The following SP1 variants were observed in gnomAD, a reference collection of about 807,000 sequenced individuals.
SP1 encodes the protein transcription factor Sp1.
A neutral mutation model predicts 66.3 loss-of-function variants in SP1; 6 were observed. That is an observed-to-expected ratio of 0.09 (90% CI 0.05 to 0.18). The LOEUF (loss-of-function observed/expected upper bound fraction) is 0.18. Among genes scored for constraint, SP1 ranks in the 10% least tolerant of loss-of-function variants. SP1 has a pLI of 1.00. For synonymous variants in SP1, 417 were observed against 360.8 expected (o/e 1.16, Z -1.77); for missense variants, 848 against 964.5 (o/e 0.88, Z 1.60).
intron 3 of SP1, among the ~76,000 whole-genome samples, chr12:53,400,836 A>G (rs758549705): frequency 2.8e-5 from 4 of 142,980 alleles, no homozygotes; most frequent in Admixed American, 7.6e-5. Flanking sequence ...ATCTCAGCTC[A>G]CTGCAAGCTC....
At chr12:53,393,607 T>TC (rs1938405505) in intron 3 of SP1, among the ~76,000 whole-genome samples, 1 of 143,066 alleles carries the variant, frequency 7.0e-6, no homozygotes, top group East Asian at 2.1e-4. Context: ...TTTTTTTTTT[T>TC]CAATTTTGAG....
chr12:53,416,227 CT>C lies in SP1; in HGVS notation c.*4988del, dbSNP rs1442303719. ...ATGCTCTCTCATCTTGTTCTTCCCC[CT>C]CACCCCCCACTCTTAGGTATGTATG... On this transcript the variant is annotated 3_prime_UTR_variant, in exon 6 of 6. Coordinates refer to ENST00000327443, the MANE Select transcript of SP1 (RefSeq NM_138473.3). The C allele has an allele frequency of 6.5e-6, 1 of 153,120 alleles. No homozygotes were observed. The highest frequency in any genetic ancestry group is 2.4e-5 in the African/African-American group (1 of 41,444). 9.5% of individuals were successfully genotyped at this position (153,120 alleles called of 1,614,324 possible).
chr12:53,402,426 CTTG>C (rs1848980219), intron 3 of SP1, among the ~76,000 whole-genome samples: 1 of 150,298 alleles, frequency 6.7e-6, no homozygotes, highest in Non-Finnish European at 1.5e-5. Context: ...GTTTCACCAT[CTTG>C]GCCAGGCTGG....
At position 53,413,477 on chromosome 12, in the gene SP1, C is replaced by T. The variant is rs942693389; in HGVS notation, c.*2237C>T. ...TAATCTGAACTATAGTAACTTAATA[C>T]TCTAAACAATAGTTCACTCCATTTG... On this transcript the variant is annotated 3_prime_UTR_variant, in exon 6 of 6. Coordinates refer to ENST00000327443, the MANE Select transcript of SP1 (RefSeq NM_138473.3). 9 of 152,556 alleles carry T rather than the reference C, an allele frequency of 5.9e-5. No homozygotes were observed. Among genetic ancestry groups the T allele is most frequent in the African/African-American group, 2.2e-4 (9 of 41,420 alleles). 9.5% of individuals were successfully genotyped at this position (152,556 alleles called of 1,614,324 possible).
At chr12:53,406,370 C>T (rs1245922027) in intron 3 of SP1, among the ~76,000 whole-genome samples, 1 of 152,032 alleles carries the variant, frequency 6.6e-6, no homozygotes, top group Non-Finnish European at 1.5e-5. Flanking sequence ...CGCCCAGCCA[C>T]TCTTGGTATT....
chr12:53,382,319 T>G lies in SP1; in HGVS notation c.372T>G (p.Ser124Arg). 1 of 1,613,874 alleles carries G rather than the reference T, an allele frequency of 6.2e-7. No individual in the cohort carries two copies. The highest frequency in any genetic ancestry group is 8.5e-7 in the Non-Finnish European group (1 of 1,179,966). The stretch of plus-strand genomic sequence containing the variant: ...CTACCCCTACCTCAAAGGAACAGAG[T>G]GGCAGCAGTACCAATGGCAGCAATG... ...SGATPTSKEQ[S>R]GSSTNGSNGS... The change falls in exon 3 of 6, where the codon AGT (serine) becomes AGG (arginine). Residue 124 changes from serine (S) to arginine (R), a missense_variant. This residue lies in a region of SP1 where 606 missense variants were observed against 589.9 expected (regional missense o/e 1.03). Coordinates refer to ENST00000327443, the MANE Select transcript of SP1 (RefSeq NM_138473.3).
intron 2 of SP1, 121 bp from the exon 3 acceptor site, chr12:53,381,989 C>A (rs1016007525): frequency 8.6e-7 from 1 of 1,163,100 alleles, no homozygotes; most frequent in Non-Finnish European, 1.2e-6. Context: ...GATAGGTCAG[C>A]TTTTTGTTTC....
chr12:53,396,759 A>G (rs1027019283), intron 3 of SP1, among the ~76,000 whole-genome samples: 1 of 152,118 alleles, frequency 6.6e-6, no homozygotes, highest in African/African-American at 2.4e-5. Flanking sequence ...GATTTATGTT[A>G]TAGTCTTCTG....
At position 53,408,408 on chromosome 12, in the gene SP1, G is replaced by T. The variant is rs200319677; in HGVS notation, c.1845-954G>T. 1.7e-4 allele frequency among the ~76,000 whole-genome samples: 25 copies of T among 150,458 alleles called. 1 individual carries two copies. The East Asian group carries it at 5.1e-3, about 31-fold the overall frequency. On this transcript the variant is annotated intron_variant, in intron 4 of 5. Transcript: ENST00000327443. Reference sequence around the variant, plus strand: ...TGTGCCACCACGCCTGGCTAATTTTGTATTTTTAGTAGAGATGGGGACCAT... The same window carrying T: ...TGTGCCACCACGCCTGGCTAATTTTTTATTTTTAGTAGAGATGGGGACCAT...
At chr12:53,388,603 T>C (rs150691910) in intron 3 of SP1, among the ~76,000 whole-genome samples, 4 of 152,330 alleles carry the variant, frequency 2.6e-5, no homozygotes, top group African/African-American at 9.6e-5. Flanking sequence ...TTAATTGATA[T>C]GACTTCATCC....
intron 3 of SP1, among the ~76,000 whole-genome samples, chr12:53,402,327 G>A (rs890557504): frequency 1.3e-5 from 2 of 150,706 alleles, no homozygotes; most frequent in Admixed American, 1.3e-4. Context: ...AAGTTCAAGC[G>A]ATTGTCCTGC....
chr12:53,394,198 A>G (rs909006361), intron 3 of SP1, among the ~76,000 whole-genome samples: 1 of 150,508 alleles, frequency 6.6e-6, no homozygotes, highest in Non-Finnish European at 1.5e-5. Context: ...CTGGGCAACA[A>G]GACCGAAACT....
chr12:53,402,742 G>A (rs897166574), intron 3 of SP1, among the ~76,000 whole-genome samples: 22 of 141,720 alleles, frequency 1.6e-4, no homozygotes, highest in Admixed American at 1.5e-3. Context: ...CGAGGCGGGC[G>A]GATCATGAGG....
chr12:53,385,365 G>A (rs1035000579), intron 3 of SP1, among the ~76,000 whole-genome samples: 1 of 151,444 alleles, frequency 6.6e-6, no homozygotes, highest in Non-Finnish European at 1.5e-5. Context: ...GGAGGCCGAG[G>A]CGGGTGGATC....
intron 1 of SP1, among the ~76,000 whole-genome samples, chr12:53,380,903 T>G (rs1168972719): frequency 6.6e-6 from 1 of 151,652 alleles, no homozygotes; most frequent in Non-Finnish European, 1.5e-5. Context: ...TTTTTACTTC[T>G]TTTTCCCCTC....
chr12:53,397,491 GTC>G (rs1175083692), intron 3 of SP1, among the ~76,000 whole-genome samples: 8 of 143,284 alleles, frequency 5.6e-5, no homozygotes, highest in Admixed American at 2.8e-4. Flanking sequence ...TTGAGATGGA[GTC>G]TCTCTCTCTC....
chr12:53,407,400 T>C (rs978231341), intron 4 of SP1, among the ~76,000 whole-genome samples: 3 of 151,598 alleles, frequency 2.0e-5, no homozygotes, highest in African/African-American at 7.3e-5. Flanking sequence ...CATTCTTGGC[T>C]CACTGCAACC....
intron 3 of SP1, among the ~76,000 whole-genome samples, chr12:53,392,851 GTCTC>G (rs1342078554): frequency 6.6e-6 from 1 of 150,982 alleles, no homozygotes; most frequent in Non-Finnish European, 1.5e-5. Flanking sequence ...TTGAGATAAG[GTCTC>G]TCTCTGTCGC....
At chr12:53,390,172 G>T (rs940144401) in intron 3 of SP1, among the ~76,000 whole-genome samples, 1 of 152,106 alleles carries the variant, frequency 6.6e-6, no homozygotes, top group African/African-American at 2.4e-5. Context: ...TCATATGAAA[G>T]AATTTTCTAT....
Sources: gnomAD v4.1 joint callset for allele counts (sites outside exome capture counted in the v4.1 genomes callset) on GRCh38, gnomAD v4.1.1 for gene constraint, gnomAD v4.1.1 regional missense constraint, MANE v1.5 for transcripts, NCBI Gene and HGNC (gene_info 2026-07-23, HGNC 2026-07-21) for gene names.